MFSD6: variants seen among roughly 807,000 people sequenced by gnomAD.
MFSD6 encodes major facilitator superfamily domain-containing protein 6.
MFSD6 carries 26 observed loss-of-function variants against 56.3 expected under a neutral mutation model. The ratio of observed to expected loss-of-function variants is 0.46; its 90% CI spans 0.34 to 0.64. The LOEUF (loss-of-function observed/expected upper bound fraction) is 0.64. MFSD6 is among the 30% of genes least tolerant of loss of function. MFSD6 has a pLI of 0.01. For missense variants in MFSD6, 750 were observed against 986.2 expected (o/e 0.76, Z 3.21); for synonymous variants, 331 against 366.9 (o/e 0.90, Z 1.12).
intron 2 of MFSD6, among the ~76,000 whole-genome samples, chr2:190,420,139 C>G (rs72903383): frequency 0.15 from 20,471 of 138,110 alleles, 1,645 homozygotes; most frequent in Middle Eastern, 0.23. Context: ...TCATTGCCCA[C>G]TGTCTTAGTT....
rs1245572598 is a variant in MFSD6, at chr2:190,436,163, A to T, written c.134A>T (p.Glu45Val). 6.2e-6 allele frequency: 10 copies of T among 1,614,112 alleles called. No individual in the cohort carries two copies. Among genetic ancestry groups the T allele is most frequent in the Non-Finnish European group, 8.5e-6 (10 of 1,179,930 alleles). The change falls in exon 3 of 8, where the codon GAA becomes GTA. Residue 45 changes from glutamate to valine, a missense_variant. Physicochemically the swap from Glu to Val is moderately radical, Grantham distance 121. Transcript: ENST00000392328. The surrounding 1 kb of genome is among the most constrained non-coding windows in gnomAD (Gnocchi z 5.3). ...PPSNETPSST[E>V]TSAIPEEEID... The stretch of plus-strand genomic sequence containing the variant: ...TCGAATGAAACACCTTCCTCCACAG[A>T]AACATCTGCTATTCCTGAGGAGGAA...
rs1248036377 is a variant in MFSD6, at chr2:190,436,724, A to C, written c.695A>C (p.Glu232Ala). ...CCCACTCTGCAGCCCCAGACAGGTG[A>C]AATTACTAACCGTATGATGGACTTG... ...SEPTLQPQTGEITNRMMDLTL... is the reference protein window; with the variant it reads ...SEPTLQPQTGAITNRMMDLTL... The change falls in exon 3 of 8, where the codon GAA (glutamate) becomes GCA (alanine). Residue 232 changes from glutamate to alanine, a missense_variant. Glu to Ala is a moderately radical substitution (Grantham distance 107). Coordinates refer to ENST00000392328, the MANE Select transcript of MFSD6 (RefSeq NM_017694.4). This position sits in a 1 kb window ranked among gnomAD's most constrained non-coding sequence, Gnocchi z 5.3. 1 of 1,614,226 alleles carries C rather than the reference A, an allele frequency of 6.2e-7. No individual in the cohort carries two copies.
In MFSD6 at chr2:190,462,644, A is replaced by G. The variant is rs1687389078; in HGVS notation, c.1533-7114A>G. On this transcript the variant is annotated intron_variant, in intron 3 of 7. Transcript: ENST00000392328. The surrounding 1 kb of genome is among the most constrained non-coding windows in gnomAD (Gnocchi z 5.7). ...ATGGAAACAAAGAGTGTAGCAGAGG[A>G]ACAGCGGGGGACAGGAGGACTAATT... 6.6e-6 allele frequency among the ~76,000 whole-genome samples: 1 copy of G among 152,040 alleles called. No homozygotes were observed. The highest frequency in any genetic ancestry group is 2.4e-5 in the African/African-American group (1 of 41,392).
chr2:190,500,466 T>C lies in MFSD6; in HGVS notation c.*248T>C. 7.8e-6 allele frequency: 4 copies of C among 514,192 alleles called. No individual in the cohort carries two copies. Among genetic ancestry groups the C allele is most frequent in the Non-Finnish European group, 1.4e-5 (4 of 287,716 alleles). The allele number at this position is 514,192 out of a possible 1,614,324, so 31.9% of individuals were successfully genotyped here. On this transcript the variant is annotated 3_prime_UTR_variant, in exon 8 of 8. Transcript: ENST00000392328. The surrounding 1 kb of genome is among the most constrained non-coding windows in gnomAD (Gnocchi z 5.3). ...ATGGAGTTCAATGAGGACTTTCAGTTCTTTGCTTGGTTAGGTTAAGGATGA... is the reference window on the plus strand; with the variant it reads ...ATGGAGTTCAATGAGGACTTTCAGTCCTTTGCTTGGTTAGGTTAAGGATGA...
At position 190,456,211 on chromosome 2, in the gene MFSD6, G is replaced by T. The variant is rs1687031890; in HGVS notation, c.1533-13547G>T. On this transcript the variant is annotated intron_variant, in intron 3 of 7. Transcript: ENST00000392328. This position sits in a 1 kb window ranked among gnomAD's most constrained non-coding sequence, Gnocchi z 5.4. ...CCGCCTCAGCCTCCCAAAGTGCTAGGATTACAGGTGTGAGCCACCATGCCT... is the reference window on the plus strand; with the variant it reads ...CCGCCTCAGCCTCCCAAAGTGCTAGTATTACAGGTGTGAGCCACCATGCCT... 6.6e-6 allele frequency among the ~76,000 whole-genome samples: 1 copy of T among 152,090 alleles called. No homozygotes were observed. The highest frequency in any genetic ancestry group is 6.5e-5 in the Admixed American group (1 of 15,278).
Position 190,410,738 on chromosome 2 carries a change from C to T in MFSD6, c.-176+2235C>T, listed in dbSNP as rs1034863768. ...GTCTGCTAGCTATTTTGCACATTGG[C>T]TGAAAAATCAAGATGCTGTATATTA... On this transcript the variant is annotated intron_variant, in intron 1 of 7. Transcript: ENST00000392328. The surrounding 1 kb of genome is among the most constrained non-coding windows in gnomAD (Gnocchi z 4.4). Among the ~76,000 whole-genome samples the T allele has an allele frequency of 1.3e-5, 2 of 152,054 alleles. No homozygotes were observed. The highest frequency in any genetic ancestry group is 4.1e-4 in the South Asian group (2 of 4,822).
chr2:190,449,506 A>G (rs1264585697), intron 3 of MFSD6, among the ~76,000 whole-genome samples: 1 of 152,156 alleles, frequency 6.6e-6, no homozygotes, highest in Non-Finnish European at 1.5e-5. Flanking sequence ...ACTGTGTCCA[A>G]CAACTTTGAT....
intron 2 of MFSD6, among the ~76,000 whole-genome samples, chr2:190,420,523 C>T (rs545390297): frequency 2.0e-5 from 3 of 152,262 alleles, no homozygotes; most frequent in African/African-American, 7.2e-5. Context: ...GACATTTAGC[C>T]CATATCAACC....
rs1179748981 is a variant in MFSD6, at chr2:190,436,284, C to T, written c.255C>T (p.Leu85=). The T allele has an allele frequency of 6.2e-7, 1 of 1,614,080 alleles. No individual in the cohort carries two copies. Among genetic ancestry groups the T allele is most frequent in the Admixed American group, 1.7e-5 (1 of 60,026 alleles). ...YFFFYSAYGS[L]YPLLPVYYKQ... Reference sequence around the variant, plus strand: ...TCTTTTACTCTGCCTATGGCTCTCTCTATCCCCTTTTGCCTGTGTATTACA... The same window carrying T: ...TCTTTTACTCTGCCTATGGCTCTCTTTATCCCCTTTTGCCTGTGTATTACA... The change falls in exon 3 of 8, where the codon CTC becomes CTT. Residue 85 remains leucine (L), a synonymous_variant. Transcript: ENST00000392328. The surrounding 1 kb of genome is among the most constrained non-coding windows in gnomAD (Gnocchi z 5.3).
rs974761611 is a variant in MFSD6, at chr2:190,485,161, G to C, written c.1631-3496G>C. ...TTATCTTAGAACACTCAAAGTTTTA[G>C]AAAATGATTAGAATTTCTGAGAGGG... is the stretch of plus-strand genomic sequence containing the variant. On this transcript the variant is annotated intron_variant, in intron 4 of 7. Transcript: ENST00000392328. This position sits in a 1 kb window ranked among gnomAD's most constrained non-coding sequence, Gnocchi z 5.1. Among the ~76,000 whole-genome samples, 3 of 152,158 alleles carry C rather than the reference G, an allele frequency of 2.0e-5. No individual in the cohort carries two copies. The highest frequency in any genetic ancestry group is 2.9e-5 in the Non-Finnish European group (2 of 68,000).
intron 4 of MFSD6, among the ~76,000 whole-genome samples, chr2:190,475,820 G>A (rs1406785810): frequency 1.3e-5 from 2 of 152,126 alleles, no homozygotes; most frequent in Admixed American, 6.5e-5. Flanking sequence ...TATACTACAA[G>A]CCTACAGTAA....
chr2:190,421,022 C>A (rs1054245775), intron 2 of MFSD6, among the ~76,000 whole-genome samples: 1 of 152,176 alleles, frequency 6.6e-6, no homozygotes, highest in African/African-American at 2.4e-5. Flanking sequence ...CCAGAGAAAC[C>A]TTGTGTAACC....
intron 3 of MFSD6, among the ~76,000 whole-genome samples, chr2:190,445,407 T>C (rs1403965729): frequency 6.6e-6 from 1 of 151,780 alleles, no homozygotes; most frequent in African/African-American, 2.4e-5. Flanking sequence ...GACTTAAATA[T>C]GTTCTGTCTC....
At chr2:190,477,308 T>C in intron 4 of MFSD6, 1 of 984,958 alleles carries the variant, frequency 1.0e-6, no homozygotes, top group Non-Finnish European at 1.2e-6. Flanking sequence ...TGGTTCCTGT[T>C]CTATCCTGAC....
rs548524296 is a variant in MFSD6 at position 190,463,666 on chromosome 2, A to G, written c.1533-6092A>G. Among the ~76,000 whole-genome samples, 8 of 152,160 alleles carry G rather than the reference A, an allele frequency of 5.3e-5. No homozygotes were observed. The South Asian group carries it at 1.7e-3, about 32-fold the overall frequency. Reference sequence around the variant, plus strand: ...TGAGACTTTGTGTCTACTAAAAATCAAAAGTTAGCTTGGCGTGATGGTGCA... The same window carrying G: ...TGAGACTTTGTGTCTACTAAAAATCGAAAGTTAGCTTGGCGTGATGGTGCA... On this transcript the variant is annotated intron_variant, in intron 3 of 7. Transcript: ENST00000392328. This position sits in a 1 kb window ranked among gnomAD's most constrained non-coding sequence, Gnocchi z 4.4.
At position 190,463,636 on chromosome 2, in the gene MFSD6, C is replaced by G. The variant is rs1687444616; in HGVS notation, c.1533-6122C>G. ...AGGAGTTCATGACCAGCCTGGGCAA[C>G]ATAGTGAGACTTTGTGTCTACTAAA... On this transcript the variant is annotated intron_variant, in intron 3 of 7. Coordinates refer to ENST00000392328, the MANE Select transcript of MFSD6 (RefSeq NM_017694.4). This position sits in a 1 kb window ranked among gnomAD's most constrained non-coding sequence, Gnocchi z 4.4. Among the ~76,000 whole-genome samples, 1 of 152,090 alleles carries G rather than the reference C, an allele frequency of 6.6e-6. No homozygotes were observed. The highest frequency in any genetic ancestry group is 2.1e-4 in the South Asian group (1 of 4,826).
intron 3 of MFSD6, among the ~76,000 whole-genome samples, chr2:190,448,994 TAAAG>T (rs2125081685): frequency 6.6e-6 from 1 of 152,366 alleles, no homozygotes; most frequent in South Asian, 2.1e-4. Context: ...GTATATGTTT[TAAAG>T]AAACATTTAT....
In MFSD6 at chr2:190,412,713, TG is replaced by T. The variant is rs1056058442; in HGVS notation, c.-175-2574del. 3.9e-6 allele frequency: 3 copies of T among 767,902 alleles called. No individual in the cohort carries two copies. The highest frequency in any genetic ancestry group is 4.7e-6 in the Non-Finnish European group (3 of 631,688). 47.6% of individuals were successfully genotyped at this position (767,902 alleles called of 1,614,324 possible). Reference sequence around the variant, plus strand: ...GTTCCCATTTACTCTACTGGCATTTTGGGGGTGAGAGGGGCTTGTGTCAGCC... The same window carrying T: ...GTTCCCATTTACTCTACTGGCATTTTGGGGTGAGAGGGGCTTGTGTCAGCC... On this transcript the variant is annotated intron_variant, in intron 1 of 7. Transcript: ENST00000392328. This position sits in a 1 kb window ranked among gnomAD's most constrained non-coding sequence, Gnocchi z 4.1.
chr2:190,438,214 A>T lies in MFSD6; in HGVS notation c.1532+653A>T, dbSNP rs1190036014. Among the ~76,000 whole-genome samples the T allele has an allele frequency of 4.1e-5, 1 of 24,226 alleles. No homozygotes were observed. The highest frequency in any genetic ancestry group is 5.5e-4 in the Admixed American group (1 of 1,804). 15.9% of individuals were successfully genotyped at this position (24,226 alleles called of 152,430 possible). ...AATTTCCCATGTAATTCTTTTAGTT[A>T]TAAAAAAAAAAATCTATAGGCTGGG... On this transcript the variant is annotated intron_variant, in intron 3 of 7. Coordinates refer to ENST00000392328, the MANE Select transcript of MFSD6 (RefSeq NM_017694.4). The surrounding 1 kb of genome is among the most constrained non-coding windows in gnomAD (Gnocchi z 5.2).
Sources: gnomAD v4.1 joint callset for allele counts (sites outside exome capture counted in the v4.1 genomes callset) on GRCh38, gnomAD v4.1.1 for gene constraint, Gnocchi (gnomAD v3.1) non-coding constraint, MANE v1.5 for transcripts, NCBI Gene and HGNC (gene_info 2026-07-23, HGNC 2026-07-21) for gene names.